Variants in PDE1A observed in about 807,000 individuals in gnomAD.
PDE1A encodes phosphodiesterase 1A, also known as dual specificity calcium/calmodulin-dependent 3',5'-cyclic nucleotide phosphodiesterase 1A.
A neutral mutation model predicts 61.7 loss-of-function variants in PDE1A; 35 were observed. That is an observed-to-expected ratio of 0.57 (90% CI 0.43 to 0.75). The LOEUF is 0.75. PDE1A is among the 30% of genes least tolerant of loss of function. The pLI is 0.00. For missense variants in PDE1A, 597 were observed against 630.6 expected, an observed-to-expected ratio of 0.95 and a Z score of 0.57; for synonymous variants, 232 against 213.2, an observed-to-expected ratio of 1.09 and a Z score of -0.77.
chr2:182,146,558 C>T (rs1690506254), downstream of PDE1A, among the ~76,000 whole-genome samples: 1 of 152,104 alleles, frequency 6.6e-6, no homozygotes, highest in Non-Finnish European at 1.5e-5. Context: ...TGATCTCGCT[C>T]ACTGCAACCT....
intron 1 of PDE1A, among the ~76,000 whole-genome samples, chr2:182,308,145 T>G (rs2125936924): frequency 6.6e-6 from 1 of 152,254 alleles, no homozygotes; most frequent in South Asian, 2.1e-4. Context: ...CTGCACAAGT[T>G]TAACAATTAT....
chr2:182,306,592 A>G (rs563149065), intron 1 of PDE1A, among the ~76,000 whole-genome samples: 3 of 152,272 alleles, frequency 2.0e-5, no homozygotes, highest in Admixed American at 2.0e-4. Flanking sequence ...TAATTAAAAC[A>G]GCATGGGACT....
chr2:182,690,167 C>A, the PDE1A span, among the ~76,000 whole-genome samples: 115 of 152,298 alleles, frequency 7.6e-4, 1 homozygote, highest in South Asian at 1.5e-3. Context: ...GGAATCCTCC[C>A]TAACTCATTT....
intron 1 of PDE1A, among the ~76,000 whole-genome samples, chr2:182,351,902 A>G (rs984190381): frequency 6.6e-6 from 1 of 152,232 alleles, no homozygotes; most frequent in African/African-American, 2.4e-5. Context: ...GCATATTAAC[A>G]GTTTACCATA....
At chr2:182,577,990 A>AAGGAAGGAAGGGAGGG in the PDE1A span, among the ~76,000 whole-genome samples, 89 of 137,604 alleles carry the variant, frequency 6.5e-4, no homozygotes, top group African/African-American at 2.4e-3. Flanking sequence ...GGAAGGAAGG[A>AAGGAAGGAAGGGAGGG]AGGGACGGAG....
the PDE1A span, among the ~76,000 whole-genome samples, chr2:182,573,930 ATATG>A: frequency 4.9e-5 from 7 of 143,382 alleles, no homozygotes; most frequent in Non-Finnish European, 9.0e-5. Flanking sequence ...TAATATATAC[ATATG>A]TATATTTATA....
intron 1 of PDE1A, among the ~76,000 whole-genome samples, chr2:182,346,233 T>C (rs921566765): frequency 2.6e-5 from 4 of 152,062 alleles, no homozygotes; most frequent in African/African-American, 9.7e-5. Flanking sequence ...AATAAATAAA[T>C]AACAAAAAAC....
chr2:182,150,102 GT>G (rs1690698812), intron 13 of PDE1A, among the ~76,000 whole-genome samples: 1 of 152,132 alleles, frequency 6.6e-6, no homozygotes, highest in Non-Finnish European at 1.5e-5. Flanking sequence ...CTAAATATAA[GT>G]GTATAATAGG....
At chr2:182,445,984 G>A (rs1484748885) in intron 2 of PDE1A, among the ~76,000 whole-genome samples, 1 of 152,064 alleles carries the variant, frequency 6.6e-6, no homozygotes, top group Non-Finnish European at 1.5e-5. Context: ...GCTGAGCCAT[G>A]AATATTCAGT....
chr2:182,343,873 C>CTTTT (rs11300978), intron 1 of PDE1A, among the ~76,000 whole-genome samples: 1 of 129,786 alleles, frequency 7.7e-6, no homozygotes. Flanking sequence ...TTTTCTTTTT[C>CTTTT]TTTTTTTTTT....
intron 1 of PDE1A, among the ~76,000 whole-genome samples, chr2:182,404,830 T>C (rs1016461861): frequency 1.3e-5 from 2 of 152,182 alleles, no homozygotes; most frequent in Non-Finnish European, 2.9e-5. Context: ...TCTTTTGAAA[T>C]ACCTCCTGAA....
intron 1 of PDE1A, among the ~76,000 whole-genome samples, chr2:182,311,650 G>C (rs1275285777): frequency 1.3e-5 from 2 of 152,108 alleles, no homozygotes; most frequent in African/African-American, 2.4e-5. Flanking sequence ...GCCTCTATCA[G>C]AAGTTTGTTC....
chr2:182,326,261 T>C (rs1434679549), intron 1 of PDE1A, among the ~76,000 whole-genome samples: 2 of 152,172 alleles, frequency 1.3e-5, no homozygotes, highest in Non-Finnish European at 2.9e-5. Context: ...GAGATATTTG[T>C]AGACTAATGT....
At chr2:182,712,879 C>T in the PDE1A span, among the ~76,000 whole-genome samples, 3 of 152,048 alleles carry the variant, frequency 2.0e-5, no homozygotes, top group Non-Finnish European at 1.5e-5. Context: ...TTAAATAATT[C>T]AATACTGTAA....
exon 1 of PDE1A, chr2:182,426,726 C>A: frequency 6.4e-7 from 1 of 1,574,038 alleles, no homozygotes; most frequent in South Asian, 1.2e-5. Flanking sequence ...CTGCAAGGAG[C>A]CCAGAAAGAA....
At chr2:182,678,548 GC>G in the PDE1A span, among the ~76,000 whole-genome samples, 1 of 152,060 alleles carries the variant, frequency 6.6e-6, no homozygotes, top group East Asian at 1.9e-4. Flanking sequence ...ACCTGCATGT[GC>G]CAAAAAAATT....
chr2:182,148,559 C>T (rs1021981667), intron 13 of PDE1A, among the ~76,000 whole-genome samples: 5 of 152,188 alleles, frequency 3.3e-5, no homozygotes, highest in Admixed American at 3.3e-4. Context: ...ATGTCCACAG[C>T]CCCTGGAAAT....
the PDE1A span, among the ~76,000 whole-genome samples, chr2:182,580,918 T>C: frequency 6.6e-6 from 1 of 152,054 alleles, no homozygotes; most frequent in East Asian, 1.9e-4. Context: ...AAAAAAATGA[T>C]CTCCCAGCTG....
rs2577661 is a variant in PDE1A, at chr2:182,311,880, T to G, written c.54-47466A>C. Among the ~76,000 whole-genome samples the G allele has an allele frequency of 2.0e-5, 3 of 151,888 alleles. No homozygotes were observed. In the East Asian group the frequency reaches 5.8e-4, roughly 29 times the overall value. ...TTTTCCCAAAGTGACTGTACTATTT[T>G]GTATGCCCAACAGCATTATATAAGT... On this transcript the variant is annotated intron_variant, in intron 1 of 13. Transcript: ENST00000351439.
Sources: gnomAD v4.1 joint callset for allele counts (sites outside exome capture counted in the v4.1 genomes callset) on GRCh38, gnomAD v4.1.1 for gene constraint, MANE v1.5 for transcripts, NCBI Gene and HGNC (gene_info 2026-07-23, HGNC 2026-07-21) for gene names.